LSM8: variants seen among roughly 807,000 people sequenced by gnomAD.
LSM8 encodes the protein LSM8 U6 small nuclear RNA associated.
Under a neutral mutation model 15.0 loss-of-function variants are expected in LSM8, and 14 were observed. The ratio of observed to expected loss-of-function variants is 0.93; its 90% CI spans 0.62 to 1.46. The LOEUF (loss-of-function observed/expected upper bound fraction) is 1.46. Ranked by LOEUF, LSM8 falls within the 40% of genes most tolerant of loss-of-function variation. The pLI, the probability that LSM8 is intolerant of heterozygous loss-of-function variation, is 0.00. For missense variants in LSM8, 90 were observed against 115.4 expected, an observed-to-expected ratio of 0.78 and a Z score of 1.01; for synonymous variants, 50 against 42.1, an observed-to-expected ratio of 1.19 and a Z score of -0.73.
rs1242621423 is a variant in LSM8 at position 118,193,214 on chromosome 7, A to G, written c.*1212A>G. 6.6e-6 allele frequency among the ~76,000 whole-genome samples: 1 copy of G among 152,124 alleles called. No individual in the cohort carries two copies. The highest frequency in any genetic ancestry group is 1.9e-4 in the East Asian group (1 of 5,194). On this transcript the variant is annotated 3_prime_UTR_variant, in exon 4 of 4. Coordinates refer to ENST00000249299, the MANE Select transcript of LSM8 (RefSeq NM_016200.5). ...TATTGTGGCCTACAAATAACCATAG[A>G]TAATACATAAATGAATAGTGGCTGT...
rs1809142142 is a variant in LSM8 at position 118,199,816 on chromosome 7, G to T, written c.*7814G>T. ...GGTGAAGATATGTATTGGGTGATAT[G>T]AGAGCCCATAGGAGAGACATCTAAA... is the stretch of plus-strand genomic sequence containing the variant. On this transcript the variant is annotated 3_prime_UTR_variant, in exon 4 of 4. Coordinates refer to ENST00000249299, the MANE Select transcript of LSM8 (RefSeq NM_016200.5). Among the ~76,000 whole-genome samples the T allele has an allele frequency of 6.6e-6, 1 of 152,132 alleles. No homozygotes were observed. The highest frequency in any genetic ancestry group is 2.4e-5 in the African/African-American group (1 of 41,440).
rs1809042181 is a variant in LSM8, at chr7:118,194,427, G to A, written c.*2425G>A. ...TAGTTTAAAATAACATTGCTTTTAT[G>A]TCAAAGCACTTTGGTAACTTGGCCT... On this transcript the variant is annotated 3_prime_UTR_variant, in exon 4 of 4. Coordinates refer to ENST00000249299, the MANE Select transcript of LSM8 (RefSeq NM_016200.5). Among the ~76,000 whole-genome samples the A allele has an allele frequency of 6.6e-6, 1 of 151,534 alleles. No homozygotes were observed. The highest frequency in any genetic ancestry group is 2.4e-5 in the African/African-American group (1 of 41,200).
In LSM8 at chr7:118,201,168, G is replaced by C. The variant is rs891040032; in HGVS notation, c.*9166G>C. ...AACCATTATCTTTACTGAATCAGAT[G>C]TTTCATTAACTGTTAGCAGTTATTT... On this transcript the variant is annotated 3_prime_UTR_variant, in exon 4 of 4. Coordinates refer to ENST00000249299, the MANE Select transcript of LSM8 (RefSeq NM_016200.5). 1.3e-5 allele frequency among the ~76,000 whole-genome samples: 2 copies of C among 152,012 alleles called. No individual in the cohort carries two copies. The highest frequency in any genetic ancestry group is 4.8e-5 in the African/African-American group (2 of 41,404).
chr7:118,187,444 C>A (rs372831189), intron 2 of LSM8, among the ~76,000 whole-genome samples: 7 of 152,252 alleles, frequency 4.6e-5, no homozygotes, highest in African/African-American at 1.7e-4. Flanking sequence ...TTTGTATCTA[C>A]CTTACTGGGA....
At chr7:118,189,414 G>C (rs568979905) in intron 3 of LSM8, 1 of 151,992 alleles carries the variant, frequency 6.6e-6, no homozygotes, top group East Asian at 1.9e-4. Context: ...TTAGCCAGGC[G>C]TGGTGGCGCA....
At chr7:118,185,414 C>T in intron 1 of LSM8, 1 of 424,814 alleles carries the variant, frequency 2.4e-6, no homozygotes, top group Non-Finnish European at 4.2e-6. Flanking sequence ...TATAGGTCAC[C>T]AGGCCAGGGT....
At chr7:118,186,885 T>C (rs575009819) in intron 2 of LSM8, among the ~76,000 whole-genome samples, 88 of 152,102 alleles carry the variant, frequency 5.8e-4, no homozygotes, top group African/African-American at 2.0e-3. Flanking sequence ...ATATTTGCAT[T>C]TTTTTTTAAT....
At chr7:118,185,281 CG>C (rs1808868435) in intron 1 of LSM8, 1 of 155,420 alleles carries the variant, frequency 6.4e-6, no homozygotes, top group African/African-American at 2.6e-5. Context: ...TTTTTTGAGT[CG>C]AGGGTCTCAC....
At position 118,191,933 on chromosome 7, in the gene LSM8, TGAA is replaced by T. The variant is rs767369101; in HGVS notation, c.226_228del (p.Glu76del). 1.9e-6 allele frequency: 3 copies of T among 1,612,738 alleles called. No individual in the cohort carries two copies. The highest frequency in any genetic ancestry group is 1.3e-5 in the African/African-American group (1 of 75,016). On this transcript the variant is annotated inframe_deletion, in exon 4 of 4. Transcript: ENST00000249299. ...TTAGTGCAGTCATTGGAGAAATCGA[TGAA>T]GAAACAGATTCTGCGCTTGATTTGG...
At position 118,198,944 on chromosome 7, in the gene LSM8, G is replaced by C. The variant is rs558217746; in HGVS notation, c.*6942G>C. ...TTATGAGGGAACTGAATATTTATGT[G>C]ACTGAACCCTCATAAAAACCCTGAA... On this transcript the variant is annotated 3_prime_UTR_variant, in exon 4 of 4. Coordinates refer to ENST00000249299, the MANE Select transcript of LSM8 (RefSeq NM_016200.5). Among the ~76,000 whole-genome samples, 99 of 152,254 alleles carry C rather than the reference G, an allele frequency of 6.5e-4. No homozygotes were observed. The highest frequency in any genetic ancestry group is 2.3e-3 in the African/African-American group (95 of 41,532).
rs1414627363 is a variant in LSM8 at position 118,201,362 on chromosome 7, A to G, written c.*9360A>G. On this transcript the variant is annotated 3_prime_UTR_variant, in exon 4 of 4. Coordinates refer to ENST00000249299, the MANE Select transcript of LSM8 (RefSeq NM_016200.5). ...GATACCAACTCAGGAAAGCAGAATCAAGCAATAAAGAGACATTTTGGGCCT... is the reference window on the plus strand; with the variant it reads ...GATACCAACTCAGGAAAGCAGAATCGAGCAATAAAGAGACATTTTGGGCCT... Among the ~76,000 whole-genome samples, 1 of 152,072 alleles carries G rather than the reference A, an allele frequency of 6.6e-6. No individual in the cohort carries two copies. The highest frequency in any genetic ancestry group is 1.5e-5 in the Non-Finnish European group (1 of 67,972).
At chr7:118,188,979 C>A (rs7792843) in intron 3 of LSM8, 1 of 152,216 alleles carries the variant, frequency 6.6e-6, no homozygotes, top group Non-Finnish European at 1.5e-5. Flanking sequence ...TATAAAAGTT[C>A]AAGAGTAATT....
chr7:118,203,744 GAAAAT>G lies in LSM8; in HGVS notation c.*11746_*11750del, dbSNP rs1318792144. ...GATTCTATAGTAACAGTTTAGTTGA[GAAAAT>G]AAATCATAATTTGTGATTTCAAACA... On this transcript the variant is annotated 3_prime_UTR_variant, in exon 4 of 4. Coordinates refer to ENST00000249299, the MANE Select transcript of LSM8 (RefSeq NM_016200.5). 6.6e-6 allele frequency among the ~76,000 whole-genome samples: 1 copy of G among 151,696 alleles called. No individual in the cohort carries two copies. Among genetic ancestry groups the G allele is most frequent in the Non-Finnish European group, 1.5e-5 (1 of 67,774 alleles).
At chr7:118,188,163 G>T in intron 2 of LSM8, 115 bp from the exon 3 acceptor site, 1 of 1,181,664 alleles carries the variant, frequency 8.5e-7, no homozygotes, top group Non-Finnish European at 1.2e-6. Context: ...TTTATTTGCC[G>T]TCGTATAGGT....
chr7:118,184,304 CG>C, intron 1 of LSM8, 50 bp downstream of exon 1: 1 of 1,447,062 alleles, frequency 6.9e-7, no homozygotes, highest in Non-Finnish European at 9.2e-7. Flanking sequence ...GCGGAGAGGC[CG>C]CGGTCGGGGA....
rs1417802702 is a variant in LSM8 at position 118,195,325 on chromosome 7, A to G, written c.*3323A>G. Among the ~76,000 whole-genome samples the G allele has an allele frequency of 2.0e-5, 3 of 152,182 alleles. No individual in the cohort carries two copies. Among genetic ancestry groups the G allele is most frequent in the Non-Finnish European group, 4.4e-5 (3 of 68,018 alleles). ...ATTCAAGATAAGGATAATAACAGCT[A>G]TCTTCTTGGGTTGTAAAAAGTAGCA... On this transcript the variant is annotated 3_prime_UTR_variant, in exon 4 of 4. Transcript: ENST00000249299.
At chr7:118,184,575 A>G (rs888084874) in intron 1 of LSM8, 29 of 251,670 alleles carry the variant, frequency 1.2e-4, no homozygotes, top group Non-Finnish European at 2.0e-4. Context: ...AAGTTTGTGA[A>G]TAAGATGAAC....
intron 2 of LSM8, 73 bp from the exon 3 acceptor site, chr7:118,188,205 A>T: frequency 1.3e-6 from 2 of 1,530,894 alleles, no homozygotes; most frequent in Non-Finnish European, 1.8e-6. Context: ...AACTAAAATG[A>T]CTGTGAGGTT....
rs1809061521 is a variant in LSM8, at chr7:118,195,327, C to G, written c.*3325C>G. On this transcript the variant is annotated 3_prime_UTR_variant, in exon 4 of 4. Coordinates refer to ENST00000249299, the MANE Select transcript of LSM8 (RefSeq NM_016200.5). ...TCAAGATAAGGATAATAACAGCTATCTTCTTGGGTTGTAAAAAGTAGCATT... is the reference window on the plus strand; with the variant it reads ...TCAAGATAAGGATAATAACAGCTATGTTCTTGGGTTGTAAAAAGTAGCATT... Among the ~76,000 whole-genome samples the G allele has an allele frequency of 6.6e-6, 1 of 152,128 alleles. No individual in the cohort carries two copies. The highest frequency in any genetic ancestry group is 2.4e-5 in the African/African-American group (1 of 41,428).
Sources: allele counts gnomAD v4.1 joint callset (sites outside exome capture counted in the v4.1 genomes callset), GRCh38; gene constraint gnomAD v4.1.1; transcripts MANE v1.5; gene names NCBI Gene and HGNC (gene_info 2026-07-23, HGNC 2026-07-21).